BCL11A: variants seen among roughly 807,000 people sequenced by gnomAD.
The protein encoded by BCL11A is B cell CLL/lymphoma 11A.
Under a neutral mutation model 55.9 loss-of-function variants are expected in BCL11A, and 2 were observed. That is an observed-to-expected ratio of 0.04 (90% CI 0.01 to 0.11). BCL11A has a LOEUF of 0.11. Ranked by LOEUF, BCL11A falls within the 10% of genes least tolerant of loss-of-function variation. The pLI is 1.00. For missense variants in BCL11A, 817 were observed against 1,137.1 expected (o/e 0.72, Z 4.05); for synonymous variants, 465 against 473.4 (o/e 0.98, Z 0.23).
intron 2 of BCL11A, chr2:60,541,943 T>C (rs1669943076): frequency 2.9e-6 from 2 of 699,824 alleles, no homozygotes; most frequent in Non-Finnish European, 2.6e-6. Flanking sequence ...AGAATCAGAA[T>C]GGATACAAAA....
At chr2:60,468,008 A>ATGGTGGTGGTAATGGTGGTGG (rs1676948356) in intron 3 of BCL11A, among the ~76,000 whole-genome samples, 1 of 11,022 alleles carries the variant, frequency 9.1e-5, no homozygotes, top group Admixed American at 8.5e-4. Flanking sequence ...GGTGGTGGTG[A>ATGGTGGTGGTAATGGTGGTGG]TGGTGGTGGT....
chr2:60,500,019 G>A, intron 2 of BCL11A: 1 of 152,704 alleles, frequency 6.5e-6, no homozygotes, highest in Non-Finnish European at 1.5e-5. Context: ...ACTCTTAGCT[G>A]GTGTTTGTCT....
intron 2 of BCL11A, among the ~76,000 whole-genome samples, chr2:60,504,687 C>T (rs774536543): frequency 2.6e-5 from 4 of 152,168 alleles, no homozygotes; most frequent in Admixed American, 6.5e-5. Context: ...GGAAATACAG[C>T]TGATGTATTT....
chr2:60,475,724 TGGGGGC>T (rs1276078876), intron 2 of BCL11A, among the ~76,000 whole-genome samples: 2 of 151,922 alleles, frequency 1.3e-5, no homozygotes, highest in African/African-American at 4.8e-5. Flanking sequence ...TTGTGTGTAG[TGGGGGC>T]AGGGGGAGGG....
rs546527260 is a variant in BCL11A, at chr2:60,531,062, T to C, written c.385+14909A>G. 2.0e-5 allele frequency among the ~76,000 whole-genome samples: 3 copies of C among 152,254 alleles called. No homozygotes were observed. In the South Asian group the frequency reaches 6.2e-4, roughly 32 times the overall value. On this transcript the variant is annotated intron_variant, in intron 2 of 3. Transcript: ENST00000642384. Reference sequence around the variant, plus strand: ...ATGTACAATTTTCCCTTTGTGCTCCTTCCCTCTTGCCACTAACCTCTTTTC... The same window carrying C: ...ATGTACAATTTTCCCTTTGTGCTCCCTCCCTCTTGCCACTAACCTCTTTTC...
intron 2 of BCL11A, among the ~76,000 whole-genome samples, chr2:60,474,435 G>A (rs933243848): frequency 3.3e-5 from 5 of 152,066 alleles, no homozygotes; most frequent in Admixed American, 6.6e-5. Context: ...TGAATAGGAT[G>A]GTACTTAAAA....
intron 2 of BCL11A, among the ~76,000 whole-genome samples, chr2:60,472,716 G>T (rs1677277117): frequency 6.6e-6 from 1 of 152,126 alleles, no homozygotes; most frequent in Non-Finnish European, 1.5e-5. Flanking sequence ...CAAGTTTTTT[G>T]GTTTCCTCAA....
At chr2:60,466,837 T>C (rs1676642307) in intron 3 of BCL11A, among the ~76,000 whole-genome samples, 1 of 152,184 alleles carries the variant, frequency 6.6e-6, no homozygotes, top group South Asian at 2.1e-4. Flanking sequence ...AAATTAGATG[T>C]CACACTTCTT....
At chr2:60,509,702 C>T (rs6724431) in intron 2 of BCL11A, among the ~76,000 whole-genome samples, 64,037 of 152,004 alleles carry the variant, frequency 0.42, 14,790 homozygotes, top group African/African-American at 0.59. Flanking sequence ...ACACCTGGCC[C>T]TCCCCAAAGA....
downstream of BCL11A, chr2:60,452,606 G>T: frequency 6.2e-7 from 1 of 1,613,810 alleles, no homozygotes; most frequent in African/African-American, 1.3e-5. Context: ...GCTTCCATCC[G>T]AAAACTGCCA....
At chr2:60,506,002 G>A (rs1663635782) in intron 2 of BCL11A, among the ~76,000 whole-genome samples, 1 of 152,224 alleles carries the variant, frequency 6.6e-6, no homozygotes, top group East Asian at 1.9e-4. Context: ...GGGCTTTGCA[G>A]GGTATGGGAC....
chr2:60,500,527 T>C (rs998239134), intron 2 of BCL11A, among the ~76,000 whole-genome samples: 5 of 151,942 alleles, frequency 3.3e-5, no homozygotes, highest in South Asian at 2.1e-4. Context: ...TGAGAAAAAA[T>C]GGCAGAAGAA....
chr2:60,493,624 G>A (rs1423633288), intron 2 of BCL11A, among the ~76,000 whole-genome samples: 4 of 152,202 alleles, frequency 2.6e-5, no homozygotes, highest in African/African-American at 9.7e-5. Flanking sequence ...TAACTTAAGT[G>A]TGGTGTTCGG....
At chr2:60,524,928 C>T (rs1238527426) in intron 2 of BCL11A, 1 of 152,196 alleles carries the variant, frequency 6.6e-6, no homozygotes, top group African/African-American at 2.4e-5. Context: ...TTGCAAAGAT[C>T]GCATGTCCCA....
chr2:60,459,287 C>T lies in BCL11A; in HGVS notation c.*1117G>A, dbSNP rs1167305640. On this transcript the variant is annotated 3_prime_UTR_variant, in exon 4 of 4. Coordinates refer to ENST00000642384, the MANE Select transcript of BCL11A (RefSeq NM_022893.4). Reference sequence around the variant, plus strand: ...TTTGGTGCCAGTATTTTTAAAAAGACATTATTAAAGCAAATATCTTCATAA... The same window carrying T: ...TTTGGTGCCAGTATTTTTAAAAAGATATTATTAAAGCAAATATCTTCATAA... 3 of 1,016,710 alleles carry T rather than the reference C, an allele frequency of 3.0e-6. No individual in the cohort carries two copies. Among genetic ancestry groups the T allele is most frequent in the Admixed American group, 5.9e-5 (1 of 17,064 alleles). 63.0% of individuals were successfully genotyped at this position (1,016,710 alleles called of 1,614,324 possible).
At chr2:60,491,620 G>A (rs1309260837) in intron 2 of BCL11A, among the ~76,000 whole-genome samples, 3 of 151,254 alleles carry the variant, frequency 2.0e-5, no homozygotes, top group African/African-American at 4.9e-5. Flanking sequence ...GCAGTGAGCC[G>A]AGATCGCGCC....
At chr2:60,473,752 A>T (rs536245846) in intron 2 of BCL11A, among the ~76,000 whole-genome samples, 180 of 152,344 alleles carry the variant, frequency 1.2e-3, no homozygotes, top group African/African-American at 3.8e-3. Context: ...TATGCCTGTG[A>T]CTTGAGTTGT....
chr2:60,502,793 A>C (rs1172979943), intron 2 of BCL11A, among the ~76,000 whole-genome samples: 1 of 152,246 alleles, frequency 6.6e-6, no homozygotes, highest in Non-Finnish European at 1.5e-5. Context: ...GATCAAAAGA[A>C]ATAAATTCTA....
Position 60,459,319 on chromosome 2 carries a change from C to T in BCL11A, c.*1085G>A. 9.8e-7 allele frequency: 1 copy of T among 1,016,714 alleles called. No homozygotes were observed. Among genetic ancestry groups the T allele is most frequent in the Non-Finnish European group, 1.2e-6 (1 of 847,336 alleles). The allele number at this position is 1,016,714 out of a possible 1,614,324, so 63.0% of individuals were successfully genotyped here. A position where few individuals can be genotyped will look rare whatever the true frequency, so the allele number is the denominator to read the frequency against. ...AAAGCAAATATCTTCATAAAATGAA[C>T]TCCTTACTAGTGTATTTAATTGCGT... On this transcript the variant is annotated 3_prime_UTR_variant, in exon 4 of 4. Transcript: ENST00000642384.
Sources: gnomAD v4.1 joint callset for allele counts (sites outside exome capture counted in the v4.1 genomes callset) on GRCh38, gnomAD v4.1.1 for gene constraint, MANE v1.5 for transcripts, NCBI Gene and HGNC (gene_info 2026-07-23, HGNC 2026-07-21) for gene names.